NBPF10: variants seen among roughly 807,000 people sequenced by gnomAD.
NBPF10 encodes the protein NBPF family member NBPF10.
A neutral mutation model predicts 77.9 loss-of-function variants in NBPF10; 63 were observed. The observed-to-expected ratio is 0.81, with a 90% CI of 0.66 to 1.00. The LOEUF is 1.00. Ranked by LOEUF, NBPF10 falls within the 50% of genes least tolerant of loss-of-function variation. The pLI is 0.00. For missense variants in NBPF10, 522 were observed against 679.8 expected (o/e 0.77, Z 2.58); for synonymous variants, 146 against 264.5 (o/e 0.55, Z 4.35).
Position 146,073,100 on chromosome 1 carries a change from G to C in NBPF10, c.10131-199C>G, listed in dbSNP as rs1444341126. 2.8e-5 allele frequency among the ~76,000 whole-genome samples: 2 copies of C among 72,712 alleles called. 1 individual carries two copies. Among genetic ancestry groups the C allele is most frequent in the Admixed American group, 3.0e-4 (2 of 6,698 alleles). 47.7% of individuals were successfully genotyped at this position (72,712 alleles called of 152,430 possible). On this transcript the variant is annotated intron_variant, in intron 81 of 89. Transcript: ENST00000583866. The stretch of plus-strand genomic sequence containing the variant: ...GAATGAAAGAGAAAGACAGGGAGAG[G>C]GAGAGAGAGAGAGGGAGGAGAAAGT...
Position 146,124,680 on chromosome 1 carries a change from G to T in NBPF10, c.2251+8C>A. 1.2e-5 allele frequency: 1 copy of T among 85,710 alleles called. No homozygotes were observed. Among genetic ancestry groups the T allele is most frequent in the Non-Finnish European group, 2.1e-5 (1 of 48,488 alleles). 5.3% of individuals were successfully genotyped at this position (85,710 alleles called of 1,614,324 possible). A position where few individuals can be genotyped will look rare whatever the true frequency, so the allele number is the denominator to read the frequency against. On this transcript the variant is annotated splice_region_variant and intron_variant, in intron 16 of 89. Coordinates refer to ENST00000583866, the Ensembl canonical transcript of NBPF10. Reference sequence around the variant, plus strand: ...GGAGGCTTATCACCTTCACAGTAAGGTACTCACTGTCCACGTCAAGAGCCA... The same window carrying T: ...GGAGGCTTATCACCTTCACAGTAAGTTACTCACTGTCCACGTCAAGAGCCA...
At chr1:146,123,573 TGAG>T (rs1352821055) in intron 17 of NBPF10, among the ~76,000 whole-genome samples, 1 of 92,990 alleles carries the variant, frequency 1.1e-5, no homozygotes, top group East Asian at 3.1e-4. Context: ...GACGCACTGA[TGAG>T]GGAGTAACAG....
At chr1:146,066,769 G>C (rs1655111201) in intron 89 of NBPF10, among the ~76,000 whole-genome samples, 1 of 151,034 alleles carries the variant, frequency 6.6e-6, no homozygotes, top group African/African-American at 2.4e-5. Context: ...GAGAGAGAGA[G>C]ACAGAGACAG....
At chr1:146,126,239 C>G (rs781966051) in exon 14 of NBPF10, 10 of 1,604,770 alleles carry the variant, frequency 6.2e-6, no homozygotes, top group Non-Finnish European at 7.7e-6. Context: ...TACTCACCAT[C>G]CATGTCAATA....
At chr1:146,118,739 GAC>G (rs1326539601) in intron 23 of NBPF10, among the ~76,000 whole-genome samples, 197 bp from the exon 24 acceptor site, 524 of 4,842 alleles carry the variant, frequency 0.11, 49 homozygotes, top group Middle Eastern at 0.3. Context: ...AAGACAGATA[GAC>G]ACACACACAC....
At position 146,142,668 on chromosome 1, in the gene NBPF10, T is replaced by C. The variant is rs782601943; in HGVS notation, c.260A>G (p.Lys87Arg). The C allele has an allele frequency of 4.4e-6, 6 of 1,352,662 alleles. 1 individual carries two copies. In the East Asian group the frequency reaches 1.7e-4, roughly 37 times the overall value. The allele number at this position is 1,352,662 out of a possible 1,614,324, so 83.8% of individuals were successfully genotyped here. Residue 87 changes from lysine to arginine, a missense_variant, in exon 2 of 90, where the codon AAG becomes AGG. Lys to Arg is a conservative substitution (Grantham distance 26, BLOSUM62 2). Transcript: ENST00000583866. ...CCCTCACCTGAGCTCCTCAGCTTGC[T>C]TCAGCTGCTCTGCAAGCTTCTCCTC...
chr1:146,125,431 A>G (rs1553789413), intron 15 of NBPF10, 34 bp downstream of exon 15: 1 of 347,522 alleles, frequency 2.9e-6, no homozygotes, highest in Non-Finnish European at 5.0e-6. Context: ...AGGTGTCAAC[A>G]CAGAATTAAG....
chr1:146,067,750 G>C (rs1403708678), intron 88 of NBPF10, among the ~76,000 whole-genome samples: 2 of 150,888 alleles, frequency 1.3e-5, no homozygotes, highest in African/African-American at 2.4e-5. Context: ...ATCTGCCCAG[G>C]TCCAATGTCA....
intron 1 of NBPF10, among the ~76,000 whole-genome samples, chr1:146,143,051 G>C (rs1474372001): frequency 8.0e-6 from 1 of 124,272 alleles, no homozygotes; most frequent in African/African-American, 2.6e-5. Flanking sequence ...CTGAATGCGG[G>C]GCCACTTTCC....
At chr1:146,067,799 C>T (rs1288801956) in intron 88 of NBPF10, among the ~76,000 whole-genome samples, 2 of 151,776 alleles carry the variant, frequency 1.3e-5, no homozygotes, top group Non-Finnish European at 1.5e-5. Context: ...TGGCCTGAGA[C>T]TAGGAAGAGA....
intron 89 of NBPF10, 147 bp from the exon 90 acceptor site, chr1:146,066,708 T>C (rs1331138058): frequency 1.7e-6 from 1 of 585,728 alleles, no homozygotes; most frequent in Non-Finnish European, 3.0e-6. Context: ...TTTATTGCCT[T>C]TATGTTGGGA....
rs1418271556 is a variant in NBPF10 at position 146,081,253 on chromosome 1, T to G, written c.8891+183A>C. On this transcript the variant is annotated intron_variant, in intron 71 of 89. Coordinates refer to ENST00000583866, the Ensembl canonical transcript of NBPF10. Reference sequence around the variant, plus strand: ...CCACCTACAGTAGGTTAGTAAATGATAAGGGGAGGAAGAAATGGAAACCTA... The same window carrying G: ...CCACCTACAGTAGGTTAGTAAATGAGAAGGGGAGGAAGAAATGGAAACCTA... Among the ~76,000 whole-genome samples the G allele has an allele frequency of 7.5e-3, 113 of 15,090 alleles. 4 individuals carry two copies. Among genetic ancestry groups the G allele is most frequent in the African/African-American group, 0.014 (102 of 7,530 alleles). The allele number at this position is 15,090 out of a possible 152,430, so 9.9% of individuals were successfully genotyped here.
intron 13 of NBPF10, 131 bp from the exon 14 acceptor site, chr1:146,126,539 A>G: frequency 1.4e-6 from 1 of 711,412 alleles, no homozygotes; most frequent in East Asian, 2.7e-5. Context: ...GAGGTAACAA[A>G]TTATTGCCTT....
intron 8 of NBPF10, 102 bp downstream of exon 8, chr1:146,135,205 G>GA: frequency 3.6e-6 from 2 of 561,142 alleles, no homozygotes; most frequent in Non-Finnish European, 3.1e-6. Flanking sequence ...AAGCTTAGTG[G>GA]AAAAAAACAC....
chr1:146,064,901 A>T (rs587711250), exon 90 of NBPF10: 2 of 13,568 alleles, frequency 1.5e-4, no homozygotes, highest in African/African-American at 6.1e-4. Flanking sequence ...AGCAGACACT[A>T]GTAAAAACAA....
intron 6 of NBPF10, among the ~76,000 whole-genome samples, chr1:146,137,658 G>A (rs1452079958): frequency 1.6e-4 from 21 of 133,280 alleles, no homozygotes; most frequent in Non-Finnish European, 1.3e-4. Context: ...CAAAGTGCTG[G>A]GATTACAGGA....
At chr1:146,067,964 C>G (rs1159652501) in intron 88 of NBPF10, 39 bp downstream of exon 88, 1 of 594,684 alleles carries the variant, frequency 1.7e-6, no homozygotes, top group East Asian at 3.2e-5. Context: ...ATCTGGAAGA[C>G]CAGGTGGAGG....
rs781854682 is a variant in NBPF10 at position 146,126,309 on chromosome 1, G to T, written c.1953C>A (p.Asp651Glu). Residue 651 changes from aspartate (D) to glutamate (E), a missense_variant, in exon 14 of 90, where the codon GAC becomes GAA. Physicochemically the swap from Asp to Glu is conservative, Grantham distance 45. Around this residue, in one of 9 missense-constraint regions of NBPF10, gnomAD observed 178 missense variants for 77.7 expected, o/e 2.29. Coordinates refer to ENST00000583866, the Ensembl canonical transcript of NBPF10. ...AGGCACTTCTGTAGGGCTGGCATGA[G>T]TCAGTCAGTTCAAGACAACCTGAAG... is the stretch of plus-strand genomic sequence containing the variant. 6.2e-4 allele frequency: 929 copies of T among 1,509,110 alleles called. 11 individuals are homozygous for T. The African/African-American group carries it at 0.012, about 19-fold the overall frequency. The allele number at this position is 1,509,110 out of a possible 1,614,324, so 93.5% of individuals were successfully genotyped here.
At chr1:146,069,319 G>A (rs1468114081) in intron 86 of NBPF10, among the ~76,000 whole-genome samples, 1 of 91,686 alleles carries the variant, frequency 1.1e-5, no homozygotes, top group African/African-American at 5.0e-5. Flanking sequence ...TAGGATTAGG[G>A]CGCCACAGGC....
Sources: gnomAD v4.1 joint callset for allele counts (sites outside exome capture counted in the v4.1 genomes callset) on GRCh38, gnomAD v4.1.1 for gene constraint, gnomAD v4.1.1 regional missense constraint, MANE v1.5 for transcripts, NCBI Gene and HGNC (gene_info 2026-07-23, HGNC 2026-07-21) for gene names.